COMMD1: variants seen among roughly 807,000 people sequenced by gnomAD.
COMMD1 encodes COMM domain-containing protein 1.
Under a neutral mutation model 17.2 loss-of-function variants are expected in COMMD1, and 10 were observed. The ratio of observed to expected loss-of-function variants is 0.58; its 90% CI spans 0.36 to 0.99. The LOEUF (loss-of-function observed/expected upper bound fraction) is 0.99, where lower values mean the gene tolerates loss of function less well. Among genes scored for constraint, COMMD1 ranks in the 50% least tolerant of loss-of-function variants. The pLI is 0.01. For synonymous variants in COMMD1, 97 were observed against 91.6 expected, an observed-to-expected ratio of 1.06 and a Z score of -0.34; for missense variants, 270 against 231.8, an observed-to-expected ratio of 1.17 and a Z score of -1.07.
intron 1 of COMMD1, among the ~76,000 whole-genome samples, chr2:61,912,932 C>T (rs1046480160): frequency 1.3e-5 from 2 of 151,974 alleles, no homozygotes; most frequent in Non-Finnish European, 2.9e-5. Context: ...CACAGGCCTG[C>T]AGTAGCAGCT....
At chr2:62,031,698 C>T (rs1294108423) in intron 2 of COMMD1, among the ~76,000 whole-genome samples, 1 of 152,120 alleles carries the variant, frequency 6.6e-6, no homozygotes, top group African/African-American at 2.4e-5. Flanking sequence ...GCTAGATTTG[C>T]ATGAATTTCA....
At chr2:61,915,233 T>C (rs1670019516) in intron 1 of COMMD1, among the ~76,000 whole-genome samples, 1 of 152,114 alleles carries the variant, frequency 6.6e-6, no homozygotes, top group South Asian at 2.1e-4. Flanking sequence ...CTCCAACTCC[T>C]GAGCTCAAGT....
At chr2:62,064,598 G>T (rs1450251737) in intron 2 of COMMD1, among the ~76,000 whole-genome samples, 6 of 152,054 alleles carry the variant, frequency 3.9e-5, no homozygotes, top group Non-Finnish European at 8.8e-5. Context: ...CTCTCTGAAG[G>T]TTACAGTTTC....
At chr2:61,938,466 G>A (rs1383521691) in intron 1 of COMMD1, among the ~76,000 whole-genome samples, 1 of 152,126 alleles carries the variant, frequency 6.6e-6, no homozygotes, top group Admixed American at 6.6e-5. Flanking sequence ...GGAAAGAGGC[G>A]AGCTTATAAA....
intron 2 of COMMD1, among the ~76,000 whole-genome samples, chr2:62,054,611 A>ACAAGTAG (rs1445244807): frequency 2.0e-5 from 3 of 152,224 alleles, no homozygotes; most frequent in Non-Finnish European, 4.4e-5. Flanking sequence ...GCACAGAAAG[A>ACAAGTAG]CAAGTAGCAC....
chr2:61,925,192 T>C (rs11688026), intron 1 of COMMD1, among the ~76,000 whole-genome samples: 7 of 146,212 alleles, frequency 4.8e-5, no homozygotes, highest in African/African-American at 1.8e-4. Flanking sequence ...AGGGAGAGAG[T>C]GGGGGAGAGA....
chr2:62,109,075 A>T (rs2104039266), intron 2 of COMMD1, among the ~76,000 whole-genome samples: 1 of 152,344 alleles, frequency 6.6e-6, no homozygotes, highest in African/African-American at 2.4e-5. Flanking sequence ...TAAGATAGAG[A>T]TACCCAAAAG....
Position 61,908,095 on chromosome 2 carries a change from C to T in COMMD1, c.180+2237C>T, listed in dbSNP as rs114510657. On this transcript the variant is annotated intron_variant, in intron 1 of 2. Transcript: ENST00000311832. The stretch of plus-strand genomic sequence containing the variant: ...TGGCTCTCTTGGTGTTGGGAGTAGG[C>T]AACAGAAGATTTGCAGGTGCCTGGC... Among the ~76,000 whole-genome samples, 267 of 152,188 alleles carry T rather than the reference C, an allele frequency of 1.8e-3. 2 individuals are homozygous for T. Among genetic ancestry groups the T allele is most frequent in the African/African-American group, 6.4e-3 (265 of 41,528 alleles).
intron 2 of COMMD1, among the ~76,000 whole-genome samples, chr2:62,068,620 CTTT>C (rs67517468): frequency 5.6e-5 from 5 of 89,256 alleles, no homozygotes; most frequent in East Asian, 3.2e-4. Context: ...GTAGTATAAT[CTTT>C]TTTTTTTTTT....
At chr2:61,892,066 G>A (rs550007356) in intron 1 of COMMD1, among the ~76,000 whole-genome samples, 5 of 151,744 alleles carry the variant, frequency 3.3e-5, no homozygotes, top group African/African-American at 1.2e-4. Flanking sequence ...CTCCTGACCC[G>A]GTGATCCGCC....
At chr2:62,110,515 C>T (rs968153188) in intron 2 of COMMD1, among the ~76,000 whole-genome samples, 1 of 152,182 alleles carries the variant, frequency 6.6e-6, no homozygotes. Context: ...TGCCCCAAGT[C>T]AAACGTTAGC....
chr2:62,086,333 C>T (rs1018376311), intron 2 of COMMD1, among the ~76,000 whole-genome samples: 4 of 152,080 alleles, frequency 2.6e-5, no homozygotes, highest in Non-Finnish European at 4.4e-5. Context: ...CACGGTGAAA[C>T]CCTGTCTCTA....
intron 1 of COMMD1, among the ~76,000 whole-genome samples, chr2:61,889,457 C>T (rs1266312660): frequency 6.6e-6 from 1 of 152,106 alleles, no homozygotes; most frequent in East Asian, 1.9e-4. Context: ...GCGGTCCACC[C>T]TCCTCAGCGT....
chr2:61,888,896 C>CTT (rs70946768), intron 1 of COMMD1: 51 of 132,268 alleles, frequency 3.9e-4, no homozygotes, highest in South Asian at 3.5e-3. Flanking sequence ...AGGTCCCCTC[C>CTT]TTTTTTTTTT....
intron 2 of COMMD1, among the ~76,000 whole-genome samples, chr2:62,107,699 A>G (rs1034442858): frequency 5.3e-5 from 8 of 152,226 alleles, no homozygotes; most frequent in Non-Finnish European, 1.2e-4. Context: ...CACATTGCCA[A>G]CAGAATTTAC....
At position 61,905,693 on chromosome 2, in the gene COMMD1, G is replaced by T; in HGVS notation, c.15G>T (p.Glu5Asp). The T allele has an allele frequency of 1.3e-6, 2 of 1,572,874 alleles. No homozygotes were observed. Among genetic ancestry groups the T allele is most frequent in the Non-Finnish European group, 1.7e-6 (2 of 1,157,460 alleles). The change falls in exon 1 of 3, where the codon GAG becomes GAT. Residue 5 changes from glutamate (E) to aspartate (D), a missense_variant. Coordinates refer to ENST00000311832, the MANE Select transcript of COMMD1 (RefSeq NM_152516.4). ...CTTCGCAGAGCATGGCGGCGGGCGAGCTTGAGGGTGGCAAACCCCTGAGCG... is the reference window on the plus strand; with the variant it reads ...CTTCGCAGAGCATGGCGGCGGGCGATCTTGAGGGTGGCAAACCCCTGAGCG... The part of the protein sequence containing the change: MAAG[E>D]LEGGKPLSGL...
intron 2 of COMMD1, among the ~76,000 whole-genome samples, chr2:62,003,959 C>T (rs1203314333): frequency 6.6e-6 from 1 of 151,988 alleles, no homozygotes; most frequent in Non-Finnish European, 1.5e-5. Context: ...GAAACCCTGT[C>T]TCTACTAAAA....
upstream of COMMD1, among the ~76,000 whole-genome samples, chr2:61,901,661 TTTAA>T (rs1223883606): frequency 1.3e-5 from 2 of 152,154 alleles, no homozygotes; most frequent in African/African-American, 2.4e-5. Flanking sequence ...CTACTACTTA[TTTAA>T]TTTTTTCATT....
At chr2:61,935,445 A>G (rs1417329118) in intron 1 of COMMD1, among the ~76,000 whole-genome samples, 4 of 152,128 alleles carry the variant, frequency 2.6e-5, no homozygotes, top group South Asian at 4.1e-4. Flanking sequence ...CCTGGCCAAC[A>G]TGGTGAAACC....
Sources: allele counts gnomAD v4.1 joint callset (sites outside exome capture counted in the v4.1 genomes callset), GRCh38; gene constraint gnomAD v4.1.1; transcripts MANE v1.5; gene names NCBI Gene and HGNC (gene_info 2026-07-23, HGNC 2026-07-21).